Variants in FAT3 observed in about 807,000 individuals in gnomAD.
FAT3 encodes the protein FAT atypical cadherin 3.
Under a neutral mutation model 310.2 loss-of-function variants are expected in FAT3, and 95 were observed. That is an observed-to-expected ratio of 0.31 (90% CI 0.26 to 0.36). FAT3 has a LOEUF of 0.36. Among genes scored for constraint, FAT3 ranks in the 10% least tolerant of loss-of-function variants. The pLI, the probability that FAT3 is intolerant of heterozygous loss-of-function variation, is 1.00. For missense variants in FAT3, 5,408 were observed against 5,715.6 expected (o/e 0.95, Z 1.74); for synonymous variants, 2,314 against 2,192.9 (o/e 1.06, Z -1.54).
At chr11:92,622,198 C>T (rs769623262) in intron 3 of FAT3, among the ~76,000 whole-genome samples, 7 of 151,660 alleles carry the variant, frequency 4.6e-5, no homozygotes, top group Non-Finnish European at 8.8e-5. Flanking sequence ...GCAGAAGAAT[C>T]GCTTGAATCT....
chr11:92,358,658 T>A (rs1948799660), intron 2 of FAT3, among the ~76,000 whole-genome samples: 1 of 152,178 alleles, frequency 6.6e-6, no homozygotes, highest in Admixed American at 6.6e-5. Flanking sequence ...AAGGAGCTGA[T>A]GAGGAGTGAC....
rs746550104 is a variant in FAT3, at chr11:92,697,434, C to A, written c.3658C>A (p.His1220Asn). 1 of 1,613,830 alleles carries A rather than the reference C, an allele frequency of 6.2e-7. No homozygotes were observed. Among genetic ancestry groups the A allele is most frequent in the Non-Finnish European group, 8.5e-7 (1 of 1,179,776 alleles). Residue 1220 changes from histidine to asparagine, a missense_variant, in exon 4 of 28, where the codon CAT becomes AAT. His to Asn is a moderately conservative substitution (Grantham distance 68, BLOSUM62 1). Coordinates refer to ENST00000525166, the MANE Select transcript of FAT3 (RefSeq NM_001367949.2). ...ATTGGATCGAGAACAGCAGGCAGAACATTTTCTGGAGGTAAGCGCATAGAG... is the reference window on the plus strand; with the variant it reads ...ATTGGATCGAGAACAGCAGGCAGAAAATTTTCTGGAGGTAAGCGCATAGAG... Reference protein sequence around the residue: ...RKLDREQQAEHFLEVTVTDGG... With the variant: ...RKLDREQQAENFLEVTVTDGG...
Position 92,354,368 on chromosome 11 carries a change from T to C in FAT3, c.2256T>C (p.Asp752=), listed in dbSNP as rs1948667288. 4 of 1,613,834 alleles carry C rather than the reference T, an allele frequency of 2.5e-6. No individual in the cohort carries two copies. Among genetic ancestry groups the C allele is most frequent in the South Asian group, 2.2e-5 (2 of 91,088 alleles). The change falls in exon 2 of 28, where the codon GAT becomes GAC. Residue 752 remains aspartate, a synonymous_variant. Transcript: ENST00000525166. ...ACATTCTGAAGATTAAAGCCTATGA[T>C]GCCGACTCTGGCTTCAATGGAAAAG... The part of the protein sequence containing the change: ...GANILKIKAY[D]ADSGFNGKVL...
chr11:92,705,811 G>GTTGGTT (rs1944317737), intron 4 of FAT3, among the ~76,000 whole-genome samples: 1 of 148,242 alleles, frequency 6.7e-6, no homozygotes, highest in South Asian at 2.2e-4. Flanking sequence ...TGGTGTTGGT[G>GTTGGTT]GTGGTGTGAT....
intron 1 of FAT3, among the ~76,000 whole-genome samples, chr11:92,328,111 C>G (rs1947813571): frequency 6.6e-6 from 1 of 152,160 alleles, no homozygotes; most frequent in African/African-American, 2.4e-5. Context: ...GTATCTCTCT[C>G]ATTCCTTTTT....
At chr11:92,390,858 C>T (rs1220956999) in intron 2 of FAT3, among the ~76,000 whole-genome samples, 2 of 152,098 alleles carry the variant, frequency 1.3e-5, no homozygotes, top group South Asian at 4.1e-4. Context: ...TGGAGAAGCA[C>T]AGTTAGAGTT....
chr11:92,554,790 G>T (rs1277693922), intron 3 of FAT3, among the ~76,000 whole-genome samples: 1 of 152,136 alleles, frequency 6.6e-6, no homozygotes, highest in Non-Finnish European at 1.5e-5. Flanking sequence ...CTGTGTCATG[G>T]TGCGTTGTTG....
At chr11:92,598,999 C>G (rs958946273) in intron 3 of FAT3, among the ~76,000 whole-genome samples, 3 of 152,170 alleles carry the variant, frequency 2.0e-5, no homozygotes, top group Admixed American at 2.0e-4. Flanking sequence ...CTACCCTGCT[C>G]TGCTGGTCAT....
At chr11:92,494,097 C>A (rs1388068630) in intron 2 of FAT3, among the ~76,000 whole-genome samples, 2 of 150,098 alleles carry the variant, frequency 1.3e-5, no homozygotes, top group East Asian at 2.0e-4. Flanking sequence ...TAAAGAAATA[C>A]CTGAGAATGG....
At chr11:92,546,324 A>G (rs1954617142) in intron 3 of FAT3, among the ~76,000 whole-genome samples, 1 of 152,216 alleles carries the variant, frequency 6.6e-6, no homozygotes, top group South Asian at 2.1e-4. Context: ...TTGTATGGTA[A>G]TCATGAGCTA....
chr11:92,719,961 G>A (rs571372157), intron 4 of FAT3, among the ~76,000 whole-genome samples: 9 of 152,082 alleles, frequency 5.9e-5, no homozygotes, highest in Non-Finnish European at 1.3e-4. Flanking sequence ...CAGAAGTGGC[G>A]TGTTCTTTAC....
chr11:92,874,336 G>T (rs963014466), intron 22 of FAT3, among the ~76,000 whole-genome samples: 3 of 152,160 alleles, frequency 2.0e-5, no homozygotes, highest in Admixed American at 6.5e-5. Flanking sequence ...ATTATTTAAT[G>T]ATGATTGGAT....
rs780298367 is a variant in FAT3 at position 92,412,402 on chromosome 11, A to ATTTTTTTTTT, written c.3292+57008_3292+57017dup. ...AGGCATGAGCCACCAGACCCGGCCTATTTTTTTTTTTTTTTTTTTGAGAGT... is the reference window on the plus strand; with the variant it reads ...AGGCATGAGCCACCAGACCCGGCCTATTTTTTTTTTTTTTTTTTTTTTTTTTTTTGAGAGT... On this transcript the variant is annotated intron_variant, in intron 2 of 27. Coordinates refer to ENST00000525166, the MANE Select transcript of FAT3 (RefSeq NM_001367949.2). Among the ~76,000 whole-genome samples, 71 of 101,098 alleles carry ATTTTTTTTTT rather than the reference A, an allele frequency of 7.0e-4. 2 individuals are homozygous for ATTTTTTTTTT. The highest frequency in any genetic ancestry group is 1.2e-3 in the South Asian group (3 of 2,438). The allele number at this position is 101,098 out of a possible 152,430, so 66.3% of individuals were successfully genotyped here. A position where few individuals can be genotyped will look rare whatever the true frequency, so the allele number is the denominator to read the frequency against.
intron 3 of FAT3, among the ~76,000 whole-genome samples, chr11:92,548,222 C>T (rs1197536992): frequency 6.6e-6 from 1 of 152,130 alleles, no homozygotes; most frequent in Admixed American, 6.5e-5. Flanking sequence ...TTCCCTAAGC[C>T]TTGTTGTGCC....
At chr11:92,243,338 T>C (rs1412600692) in intron 1 of FAT3, among the ~76,000 whole-genome samples, 3 of 152,058 alleles carry the variant, frequency 2.0e-5, no homozygotes, top group Non-Finnish European at 2.9e-5. Flanking sequence ...GATGATTCAA[T>C]TGAATGTGTG....
At chr11:92,804,010 G>T (rs1431521892) in intron 10 of FAT3, among the ~76,000 whole-genome samples, 1 of 152,182 alleles carries the variant, frequency 6.6e-6, no homozygotes, top group East Asian at 1.9e-4. Context: ...TCTTCAGTAG[G>T]ACCCCGATAT....
At chr11:92,643,131 C>T (rs745315364) in intron 3 of FAT3, among the ~76,000 whole-genome samples, 2 of 152,212 alleles carry the variant, frequency 1.3e-5, no homozygotes, top group Non-Finnish European at 2.9e-5. Flanking sequence ...CTCATGTGGA[C>T]CAAGCTGAGC....
intron 3 of FAT3, among the ~76,000 whole-genome samples, chr11:92,589,496 G>A (rs564298222): frequency 1.3e-5 from 2 of 152,178 alleles, no homozygotes; most frequent in African/African-American, 4.8e-5. Context: ...GCAAATTTCA[G>A]TTTACAAATA....
intron 4 of FAT3, among the ~76,000 whole-genome samples, chr11:92,713,233 A>G (rs978205380): frequency 2.0e-5 from 3 of 152,234 alleles, no homozygotes; most frequent in South Asian, 2.1e-4. Context: ...TCAAAACTGC[A>G]AAGAATGATA....
Sources: gnomAD v4.1 joint callset for allele counts (sites outside exome capture counted in the v4.1 genomes callset) on GRCh38, gnomAD v4.1.1 for gene constraint, MANE v1.5 for transcripts, NCBI Gene and HGNC (gene_info 2026-07-23, HGNC 2026-07-21) for gene names.